TP53BP1: variants seen among roughly 807,000 people sequenced by gnomAD.
TP53BP1 encodes tumor protein p53 binding protein 1, also known as TP53-binding protein 1.
A neutral mutation model predicts 200.8 loss-of-function variants in TP53BP1; 61 were observed. The ratio of observed to expected loss-of-function variants is 0.30; its 90% CI spans 0.25 to 0.38. TP53BP1 has a LOEUF of 0.38. Ranked by LOEUF, TP53BP1 falls within the 10% of genes least tolerant of loss-of-function variation. The pLI, the probability that TP53BP1 is intolerant of heterozygous loss-of-function variation, is 1.00. For missense variants in TP53BP1, 2,144 were observed against 2,371.9 expected, an observed-to-expected ratio of 0.90 and a Z score of 2.00; for synonymous variants, 822 against 844.3, an observed-to-expected ratio of 0.97 and a Z score of 0.46.
Position 43,404,592 on chromosome 15 carries a change from G to A in TP53BP1, c.*2791C>T. 1 of 1,604,184 alleles carries A rather than the reference G, an allele frequency of 6.2e-7. No homozygotes were observed. The highest frequency in any genetic ancestry group is 2.2e-5 in the East Asian group (1 of 44,818). On this transcript the variant is annotated 3_prime_UTR_variant, in exon 28 of 28. Transcript: ENST00000382044. ...TGGGTAACTCAGTAGACTTTTTAAG[G>A]TGGCTTTTTAATGAGTTGTAGAATT...
At chr15:43,473,158 A>G (rs923666906) in intron 10 of TP53BP1, among the ~76,000 whole-genome samples, 8 of 152,254 alleles carry the variant, frequency 5.3e-5, no homozygotes, top group Non-Finnish European at 1.0e-4. Flanking sequence ...TGAGTGTTAC[A>G]GCTCATAAAA....
intron 4 of TP53BP1, among the ~76,000 whole-genome samples, chr15:43,488,485 C>T (rs1030611145): frequency 1.3e-5 from 2 of 152,176 alleles, no homozygotes; most frequent in Admixed American, 6.5e-5. Flanking sequence ...AGAACTGTAT[C>T]TTGACTGTTG....
At position 43,456,954 on chromosome 15, in the gene TP53BP1, C is replaced by A. The variant is rs370340295; in HGVS notation, c.1654G>T (p.Asp552Tyr). 9 of 1,614,154 alleles carry A rather than the reference C, an allele frequency of 5.6e-6. No homozygotes were observed. Among genetic ancestry groups the A allele is most frequent in the South Asian group, 1.1e-5 (1 of 91,080 alleles). Reference protein sequence around the residue: ...DEDGENTQIEDTEPMSPVLNS... With the variant: ...DEDGENTQIEYTEPMSPVLNS... Reference sequence around the variant, plus strand: ...AGAACTGGAGACATGGGTTCCGTATCCTCAATCTGTGTGTTTTCTCCATCT... The same window carrying A: ...AGAACTGGAGACATGGGTTCCGTATACTCAATCTGTGTGTTTTCTCCATCT... The change falls in exon 12 of 28, where the codon GAT (aspartate) becomes TAT (tyrosine). Residue 552 changes from aspartate to tyrosine, a missense_variant. Transcript: ENST00000382044.
chr15:43,508,915 A>T (rs753510182), intron 1 of TP53BP1, among the ~76,000 whole-genome samples: 8 of 152,224 alleles, frequency 5.3e-5, no homozygotes, highest in Non-Finnish European at 1.0e-4. Context: ...CCTACCATCT[A>T]ATCAGTGTGT....
At chr15:43,496,133 A>C (rs2079181509), upstream of TP53BP1, among the ~76,000 whole-genome samples, 1 of 152,132 alleles carries the variant, frequency 6.6e-6, no homozygotes, top group Admixed American at 6.5e-5. Context: ...CTTACCTCTA[A>C]AGCCCTCCCA....
intron 15 of TP53BP1, among the ~76,000 whole-genome samples, chr15:43,440,502 G>A (rs1211005920): frequency 1.4e-5 from 2 of 146,356 alleles, no homozygotes; most frequent in African/African-American, 5.1e-5. Flanking sequence ...ATGACAGAGT[G>A]AGACTCCGTC....
At chr15:43,437,139 AC>A (rs1431381319) in intron 16 of TP53BP1, among the ~76,000 whole-genome samples, 1 of 152,160 alleles carries the variant, frequency 6.6e-6, no homozygotes, top group African/African-American at 2.4e-5. Context: ...AGCCTGGGTG[AC>A]AGAGTGAGAC....
chr15:43,408,822 T>C (rs1051357648), intron 26 of TP53BP1, 75 bp downstream of exon 26: 1 of 1,449,348 alleles, frequency 6.9e-7, no homozygotes, highest in Non-Finnish European at 9.6e-7. Flanking sequence ...CTTTACTCTC[T>C]CACCTAGATT....
chr15:43,495,148 A>C (rs530596487), upstream of TP53BP1, among the ~76,000 whole-genome samples: 119 of 150,804 alleles, frequency 7.9e-4, no homozygotes, highest in Middle Eastern at 3.6e-3. Flanking sequence ...CCAAGATTGC[A>C]ACACTGTGCT....
chr15:43,448,240 A>T (rs903035626), intron 12 of TP53BP1, among the ~76,000 whole-genome samples: 1 of 152,184 alleles, frequency 6.6e-6, no homozygotes, highest in African/African-American at 2.4e-5. Context: ...CTCAGTTCCA[A>T]ATTTTTGCTA....
Position 43,415,724 on chromosome 15 carries a change from G to C in TP53BP1, c.4959C>G (p.Thr1653=). The change falls in exon 23 of 28, where the codon ACC becomes ACG. Residue 1653 remains threonine (T), a synonymous_variant. Coordinates refer to ENST00000382044, the MANE Select transcript of TP53BP1 (RefSeq NM_001141980.3). ...TPTASSSSST[T]PTRKITESPR... ...GACTTTCTGTGATCTTTCGGGTAGG[G>C]GTTGTGCTGCTGCTACTGGAGGCAG... 1 of 1,614,172 alleles carries C rather than the reference G, an allele frequency of 6.2e-7. No individual in the cohort carries two copies. The highest frequency in any genetic ancestry group is 8.5e-7 in the Non-Finnish European group (1 of 1,180,032).
chr15:43,441,651 C>T (rs1595559370), intron 14 of TP53BP1, 68 bp from the exon 15 acceptor site: 9 of 1,036,130 alleles, frequency 8.7e-6, no homozygotes, highest in African/African-American at 1.6e-5. Context: ...CACACCTAAA[C>T]CTTCACTCTG....
intron 10 of TP53BP1, 65 bp downstream of exon 10, chr15:43,474,608 G>A: frequency 1.8e-6 from 2 of 1,120,404 alleles, no homozygotes; most frequent in Non-Finnish European, 2.7e-6. Flanking sequence ...AGTACATTTT[G>A]CAAGGCAGAA....
chr15:43,485,845 CAAAAAAG>C (rs1376915329), intron 4 of TP53BP1, among the ~76,000 whole-genome samples: 14 of 150,308 alleles, frequency 9.3e-5, no homozygotes, highest in Admixed American at 6.6e-5. Flanking sequence ...GACTCCGTTT[CAAAAAAG>C]AAAAAAGAAA....
rs748173675 is a variant in TP53BP1 at position 43,447,402 on chromosome 15, G to C, written c.2800C>G (p.Leu934Val). The change falls in exon 13 of 28, where the codon CTA becomes GTA. Residue 934 changes from leucine (L) to valine (V), a missense_variant. Coordinates refer to ENST00000382044, the MANE Select transcript of TP53BP1 (RefSeq NM_001141980.3). ...CTGTGTCTCTTGGGCTCCAATTTTAGGTGCCCAATAAGAGGTGGGGTTGCA... is the reference window on the plus strand; with the variant it reads ...CTGTGTCTCTTGGGCTCCAATTTTACGTGCCCAATAAGAGGTGGGGTTGCA... ...TGATPPLIGH[L>V]KLEPKRHSTP... is the part of the protein sequence containing the mutation. 6.2e-6 allele frequency: 10 copies of C among 1,602,398 alleles called. No homozygotes were observed. In the African/African-American group the frequency reaches 1.1e-4, roughly 17 times the overall value.
chr15:43,500,065 A>G (rs1214993486), intron 1 of TP53BP1, among the ~76,000 whole-genome samples: 2 of 152,198 alleles, frequency 1.3e-5, no homozygotes, highest in Non-Finnish European at 2.9e-5. Context: ...AATACAATCT[A>G]TATGCCAATG....
At chr15:43,415,928 G>T in intron 22 of TP53BP1, 119 bp from the exon 23 acceptor site, 2 of 858,626 alleles carry the variant, frequency 2.3e-6, no homozygotes, top group Non-Finnish European at 3.6e-6. Context: ...CTTCCCATGA[G>T]GCCAAGAAGC....
intron 1 of TP53BP1, among the ~76,000 whole-genome samples, chr15:43,504,798 T>C (rs2079227707): frequency 6.6e-6 from 1 of 152,040 alleles, no homozygotes; most frequent in African/African-American, 2.4e-5. Context: ...GGCGGAGAGA[T>C]CACCTGAGGT....
intron 24 of TP53BP1, among the ~76,000 whole-genome samples, chr15:43,411,506 CCAAA>C (rs576638445): frequency 4.4e-4 from 67 of 152,306 alleles, no homozygotes; most frequent in African/African-American, 1.5e-3. Context: ...GTAACATCTA[CCAAA>C]CAGTTTCTTA....
Sources: gnomAD v4.1 joint callset for allele counts (sites outside exome capture counted in the v4.1 genomes callset) on GRCh38, gnomAD v4.1.1 for gene constraint, MANE v1.5 for transcripts, NCBI Gene and HGNC (gene_info 2026-07-23, HGNC 2026-07-21) for gene names.